CACNA1E: variants seen among roughly 807,000 people sequenced by gnomAD.
CACNA1E encodes the protein voltage-dependent R-type calcium channel subunit alpha-1E.
Under a neutral mutation model 259.2 loss-of-function variants are expected in CACNA1E, and 40 were observed. The observed-to-expected ratio is 0.15, with a 90% CI of 0.12 to 0.20. The LOEUF is 0.20. CACNA1E is among the 10% of genes least tolerant of loss of function. The probability of loss-of-function intolerance (pLI) is 1.00; values close to 1 mark genes in which losing one functional copy is unlikely to be tolerated. For synonymous variants in CACNA1E, 1,104 were observed against 1,138.5 expected (o/e 0.97, Z 0.61); for missense variants, 1,874 against 3,040.1 (o/e 0.62, Z 9.02).
intron 7 of CACNA1E, among the ~76,000 whole-genome samples, chr1:181,668,205 G>A (rs1648437983): frequency 6.6e-6 from 1 of 152,096 alleles, no homozygotes; most frequent in Non-Finnish European, 1.5e-5. Flanking sequence ...TTCTAATTTT[G>A]TCATTTCAAG....
chr1:181,737,695 T>C (rs930305515), intron 23 of CACNA1E, 41 bp downstream of exon 23: 1 of 1,597,628 alleles, frequency 6.3e-7, no homozygotes, highest in Non-Finnish European at 8.5e-7. Flanking sequence ...TGTAGTGCTC[T>C]GGTGCTCACC....
At chr1:181,696,796 A>G (rs1474713442) in intron 7 of CACNA1E, among the ~76,000 whole-genome samples, 1 of 152,226 alleles carries the variant, frequency 6.6e-6, no homozygotes, top group African/African-American at 2.4e-5. Context: ...TGGATATAAG[A>G]TATCTAAAAA....
chr1:181,654,495 T>C (rs1379797024), intron 7 of CACNA1E, among the ~76,000 whole-genome samples: 1 of 152,076 alleles, frequency 6.6e-6, no homozygotes, highest in African/African-American at 2.4e-5. Context: ...GATTAAAAGA[T>C]GTGTTGAGGC....
At chr1:181,599,993 T>A (rs1424028250) in intron 6 of CACNA1E, among the ~76,000 whole-genome samples, 1 of 152,186 alleles carries the variant, frequency 6.6e-6, no homozygotes, top group African/African-American at 2.4e-5. Flanking sequence ...AATAAGTGTA[T>A]ACTGTCAGGT....
At chr1:181,320,362 CAG>C (rs752345748) in intron 1 of CACNA1E, among the ~76,000 whole-genome samples, 92 of 152,288 alleles carry the variant, frequency 6.0e-4, no homozygotes, top group Non-Finnish European at 1.8e-4. Context: ...ACGGATGTGT[CAG>C]TCACACCTCC....
At chr1:181,742,857 A>G (rs759232646) in intron 25 of CACNA1E, among the ~76,000 whole-genome samples, 2 of 152,230 alleles carry the variant, frequency 1.3e-5, no homozygotes, top group African/African-American at 4.8e-5. Flanking sequence ...GGGAACGTTT[A>G]TAATGTAAAG....
At chr1:181,555,936 CTTTA>C (rs1413635405) in intron 3 of CACNA1E, among the ~76,000 whole-genome samples, 3 of 152,298 alleles carry the variant, frequency 2.0e-5, no homozygotes, top group Admixed American at 6.5e-5. Context: ...CTTCCCCCAT[CTTTA>C]TTCTTTAAAC....
chr1:181,601,605 C>G (rs1653754922), intron 6 of CACNA1E, among the ~76,000 whole-genome samples: 1 of 152,192 alleles, frequency 6.6e-6, no homozygotes, highest in African/African-American at 2.4e-5. Context: ...TCCTTTGGCT[C>G]TATATTCAAC....
chr1:181,424,751 C>G (rs1571837729), intron 2 of CACNA1E, among the ~76,000 whole-genome samples: 1 of 152,198 alleles, frequency 6.6e-6, no homozygotes, highest in Non-Finnish European at 1.5e-5. Flanking sequence ...TGTCCCAGTT[C>G]TTCCCTTCTA....
chr1:181,522,765 T>C (rs907978295), intron 3 of CACNA1E, among the ~76,000 whole-genome samples: 3 of 152,224 alleles, frequency 2.0e-5, no homozygotes, highest in Admixed American at 2.0e-4. Context: ...TTCTCTGTTC[T>C]GGAGACAGGT....
rs376599965 is a variant in CACNA1E, at chr1:181,737,642, G to A, written c.3540G>A (p.Ser1180=). Residue 1180 remains serine, a synonymous_variant, in exon 23 of 48, where the codon TCG becomes TCA. Transcript: ENST00000367573. ...LAAEDPVLTN[S]ERNKVLRYFD... is the part of the protein sequence containing the mutation. ...CAGAGGACCCCGTCCTGACCAACTCGGAGCGCAACAAAGTGGGTACACAGG... is the reference window on the plus strand; with the variant it reads ...CAGAGGACCCCGTCCTGACCAACTCAGAGCGCAACAAAGTGGGTACACAGG... The A allele has an allele frequency of 1.8e-4, 295 of 1,613,836 alleles. No individual in the cohort carries two copies. Among genetic ancestry groups the A allele is most frequent in the Admixed American group, 2.5e-4 (15 of 60,018 alleles).
intron 3 of CACNA1E, among the ~76,000 whole-genome samples, chr1:181,546,965 T>C (rs4652663): frequency 0.15 from 23,026 of 152,130 alleles, 2,618 homozygotes; most frequent in African/African-American, 0.32. Flanking sequence ...GTCGTCCTCC[T>C]GGCCACCAGC....
intron 1 of CACNA1E, among the ~76,000 whole-genome samples, chr1:181,348,247 C>T (rs1208703628): frequency 6.6e-6 from 1 of 151,698 alleles, no homozygotes; most frequent in Non-Finnish European, 1.5e-5. Flanking sequence ...GATGTGGGCA[C>T]GCTTTGTCAT....
At chr1:181,340,490 A>C (rs1257893146) in intron 1 of CACNA1E, among the ~76,000 whole-genome samples, 1 of 152,048 alleles carries the variant, frequency 6.6e-6, no homozygotes, top group African/African-American at 2.4e-5. Flanking sequence ...TTTATTGGTA[A>C]TTTTTTTGAG....
At chr1:181,528,217 C>T (rs1435819956) in intron 3 of CACNA1E, among the ~76,000 whole-genome samples, 3 of 152,170 alleles carry the variant, frequency 2.0e-5, no homozygotes, top group Non-Finnish European at 4.4e-5. Flanking sequence ...GAATAAGTCT[C>T]ATGAGATCTG....
At chr1:181,641,663 G>T (rs1657757338) in intron 6 of CACNA1E, among the ~76,000 whole-genome samples, 1 of 149,056 alleles carries the variant, frequency 6.7e-6, no homozygotes, top group South Asian at 2.1e-4. Flanking sequence ...TCAACCTCGG[G>T]TAGCTTTCAA....
At chr1:181,724,340 C>T (rs1364207105) in intron 16 of CACNA1E, 130 bp from the exon 17 acceptor site, 3 of 678,466 alleles carry the variant, frequency 4.4e-6, no homozygotes, top group Middle Eastern at 2.4e-4. Flanking sequence ...ACAGCCCCTG[C>T]TTAAGTGACT....
At chr1:181,539,444 C>T (rs1163234306) in intron 3 of CACNA1E, among the ~76,000 whole-genome samples, 1 of 152,154 alleles carries the variant, frequency 6.6e-6, no homozygotes, top group Non-Finnish European at 1.5e-5. Flanking sequence ...TTCAGGAAGA[C>T]AGGCAAAATA....
chr1:181,521,369 G>A (rs1374918020), intron 3 of CACNA1E, among the ~76,000 whole-genome samples: 1 of 152,206 alleles, frequency 6.6e-6, no homozygotes, highest in Non-Finnish European at 1.5e-5. Context: ...AACTGAAACT[G>A]ACCTGGTTTG....
Sources: allele counts gnomAD v4.1 joint callset (sites outside exome capture counted in the v4.1 genomes callset), GRCh38; gene constraint gnomAD v4.1.1; transcripts MANE v1.5; gene names NCBI Gene and HGNC (gene_info 2026-07-23, HGNC 2026-07-21).